GPA33: variants seen among roughly 807,000 people sequenced by gnomAD.
The protein encoded by GPA33 is glycoprotein A33.
Under a neutral mutation model 35.6 loss-of-function variants are expected in GPA33, and 27 were observed. The ratio of observed to expected loss-of-function variants is 0.76; its 90% CI spans 0.56 to 1.04. The LOEUF (loss-of-function observed/expected upper bound fraction) is 1.04. GPA33 is among the 50% of genes least tolerant of loss of function. GPA33 has a pLI of 0.00. For synonymous variants in GPA33, 176 were observed against 164.0 expected (o/e 1.07, Z -0.56); for missense variants, 428 against 411.9 (o/e 1.04, Z -0.34).
At chr1:167,056,664 TGA>T (rs1666276970) in intron 4 of GPA33, among the ~76,000 whole-genome samples, 5 of 1,976 alleles carry the variant, frequency 2.5e-3, no homozygotes, top group African/African-American at 7.0e-3. Context: ...TGTGGTACGG[TGA>T]GTGTGTGATG....
At chr1:167,080,154 C>T (rs1025681592) in intron 1 of GPA33, among the ~76,000 whole-genome samples, 2 of 152,200 alleles carry the variant, frequency 1.3e-5, no homozygotes, top group African/African-American at 2.4e-5. Context: ...CTGTGCCCGT[C>T]ATGCTCTAGA....
chr1:167,088,790 G>A (rs2102209614), intron 1 of GPA33, among the ~76,000 whole-genome samples: 2 of 152,320 alleles, frequency 1.3e-5, no homozygotes, highest in Middle Eastern at 6.8e-3. Flanking sequence ...GTTGGGGGTT[G>A]GGGTGGTGCA....
intron 4 of GPA33, among the ~76,000 whole-genome samples, chr1:167,056,728 ATGTATGTG>A (rs1666291440): frequency 4.1e-4 from 2 of 4,874 alleles, no homozygotes; most frequent in African/African-American, 9.3e-4. Flanking sequence ...GTAGTGTGTG[ATGTATGTG>A]GTGTGTGTGG....
intron 3 of GPA33, among the ~76,000 whole-genome samples, chr1:167,066,479 C>T (rs1035520374): frequency 6.6e-6 from 1 of 152,160 alleles, no homozygotes; most frequent in African/African-American, 2.4e-5. Flanking sequence ...GTTCCCAGCC[C>T]CTAAACCCTC....
intron 4 of GPA33, among the ~76,000 whole-genome samples, chr1:167,061,480 C>G (rs1016099415): frequency 4.6e-5 from 7 of 151,264 alleles, no homozygotes; most frequent in Non-Finnish European, 1.0e-4. Flanking sequence ...CAGACACACT[C>G]GATAAAAAGT....
intron 1 of GPA33, among the ~76,000 whole-genome samples, chr1:167,075,629 T>C (rs1234331134): frequency 6.6e-6 from 1 of 152,172 alleles, no homozygotes; most frequent in Non-Finnish European, 1.5e-5. Context: ...GAGGCAGTTA[T>C]GTAAGTCTGG....
chr1:167,055,059 G>C lies in GPA33; in HGVS notation c.744C>G (p.Ala248=). 1 of 1,613,628 alleles carries C rather than the reference G, an allele frequency of 6.2e-7. No homozygotes were observed. Among genetic ancestry groups the C allele is most frequent in the East Asian group, 2.2e-5 (1 of 44,840 alleles). Residue 248 remains alanine (A), a synonymous_variant, in exon 6 of 7, where the codon GCC becomes GCG. Coordinates refer to ENST00000367868, the MANE Select transcript of GPA33 (RefSeq NM_005814.3). ...AGATGATGATGCCAATGATAATGAG[G>C]GCTGCAACCACGCCCACCGCGATGC... ...YVGIAVGVVA[A]LIIIGIIIYC... is the part of the protein sequence containing the mutation.
intron 1 of GPA33, among the ~76,000 whole-genome samples, chr1:167,079,937 G>C (rs527864768): frequency 6.6e-6 from 1 of 152,092 alleles, no homozygotes; most frequent in Non-Finnish European, 1.5e-5. Context: ...CTTTGCATCC[G>C]TACTCAGTGA....
intron 4 of GPA33, among the ~76,000 whole-genome samples, chr1:167,056,417 G>T (rs1292892838): frequency 6.6e-6 from 1 of 151,398 alleles, no homozygotes; most frequent in African/African-American, 2.4e-5. Context: ...AGGTGTGTGG[G>T]GTGTATGTGT....
intron 1 of GPA33, among the ~76,000 whole-genome samples, chr1:167,083,897 A>ATCCAAATAAACTTG (rs570531092): frequency 0.011 from 1,620 of 152,132 alleles, 21 homozygotes; most frequent in Non-Finnish European, 0.016. Context: ...CCCACTGTCA[A>ATCCAAATAAACTTG]TCCAAATAAA....
chr1:167,073,344 TA>T (rs1666757613), intron 2 of GPA33, 40 bp downstream of exon 2: 3 of 1,566,374 alleles, frequency 1.9e-6, no homozygotes, highest in Non-Finnish European at 2.6e-6. Context: ...GGTCAGGTGA[TA>T]ATCATTCCCA....
chr1:167,083,494 C>G (rs552253092), intron 1 of GPA33, among the ~76,000 whole-genome samples: 1 of 152,222 alleles, frequency 6.6e-6, no homozygotes, highest in East Asian at 1.9e-4. Context: ...GTCCTGGGCA[C>G]TATGCCAGAC....
At chr1:167,054,568 C>G in intron 6 of GPA33, 102 bp from the exon 7 acceptor site, 1 of 1,401,144 alleles carries the variant, frequency 7.1e-7, no homozygotes, top group Non-Finnish European at 9.9e-7. Flanking sequence ...CTCCAGACCT[C>G]CTCCCCACCC....
intron 4 of GPA33, among the ~76,000 whole-genome samples, chr1:167,061,775 T>C (rs986131978): frequency 2.0e-5 from 3 of 152,044 alleles, no homozygotes; most frequent in African/African-American, 7.2e-5. Flanking sequence ...GCTAATTTTT[T>C]GTATTTTTAG....
In GPA33 at chr1:167,069,040, A is replaced by T. The variant is rs770431513; in HGVS notation, c.297T>A (p.Asp99Glu). The T allele has an allele frequency of 8.1e-6, 13 of 1,613,610 alleles. No individual in the cohort carries two copies. In the Admixed American group the frequency reaches 1.2e-4, roughly 14 times the overall value. Reference sequence around the variant, plus strand: ...TCAGCTGATCAATGGTGATGGAGGCATCGGACTGCTCAGCATTGTTGGATA... The same window carrying T: ...TCAGCTGATCAATGGTGATGGAGGCTTCGGACTGCTCAGCATTGTTGGATA... Reference protein sequence around the residue: ...VSISNNAEQSDASITIDQLTM... With the variant: ...VSISNNAEQSEASITIDQLTM... The change falls in exon 3 of 7, where the codon GAT becomes GAA. Residue 99 changes from aspartate to glutamate, a missense_variant. By Grantham distance (45) the Asp-to-Glu change is conservative. Coordinates refer to ENST00000367868, the MANE Select transcript of GPA33 (RefSeq NM_005814.3).
At chr1:167,087,033 T>A (rs532748587) in intron 1 of GPA33, among the ~76,000 whole-genome samples, 2 of 152,106 alleles carry the variant, frequency 1.3e-5, no homozygotes, top group African/African-American at 4.8e-5. Flanking sequence ...ATCAAATCTT[T>A]CATGAAGTCT....
intron 1 of GPA33, among the ~76,000 whole-genome samples, chr1:167,077,992 G>A (rs773748239): frequency 6.6e-6 from 1 of 152,246 alleles, no homozygotes; most frequent in Non-Finnish European, 1.5e-5. Context: ...CTGCTGGCAA[G>A]TCCTTCAGAT....
rs763105903 is a variant in GPA33 at position 167,054,314 on chromosome 1, C to T, written c.*20G>A. 1.8e-5 allele frequency: 29 copies of T among 1,613,608 alleles called. No homozygotes were observed. Among genetic ancestry groups the T allele is most frequent in the Non-Finnish European group, 2.1e-5 (25 of 1,179,906 alleles). ...AATGAACCCCTAACCCTTCCTCCGCCGCCCTCTGCTGCTGGCCTGTCACTG... is the reference window on the plus strand; with the variant it reads ...AATGAACCCCTAACCCTTCCTCCGCTGCCCTCTGCTGCTGGCCTGTCACTG... On this transcript the variant is annotated 3_prime_UTR_variant, in exon 7 of 7. Coordinates refer to ENST00000367868, the MANE Select transcript of GPA33 (RefSeq NM_005814.3).
chr1:167,073,316 T>C (rs1666757204), intron 2 of GPA33, 69 bp downstream of exon 2: 3 of 1,312,004 alleles, frequency 2.3e-6, no homozygotes, highest in African/African-American at 2.9e-5. Flanking sequence ...TCATAGTGCT[T>C]GCCTTCTAAG....
Sources: gnomAD v4.1 joint callset for allele counts (sites outside exome capture counted in the v4.1 genomes callset) on GRCh38, gnomAD v4.1.1 for gene constraint, MANE v1.5 for transcripts, NCBI Gene and HGNC (gene_info 2026-07-23, HGNC 2026-07-21) for gene names.